Variants in RABGAP1L observed in about 807,000 individuals in gnomAD.
RABGAP1L encodes RAB GTPase activating protein 1 like.
Under a neutral mutation model 137.7 loss-of-function variants are expected in RABGAP1L, and 63 were observed. The observed-to-expected ratio is 0.46, with a 90% confidence interval of 0.37 to 0.56. The LOEUF (loss-of-function observed/expected upper bound fraction) is 0.56, where lower values mean the gene tolerates loss of function less well. RABGAP1L is among the 20% of genes least tolerant of loss of function. RABGAP1L has a pLI of 0.00. For synonymous variants in RABGAP1L, 431 were observed against 433.7 expected (o/e 0.99, Z 0.08); for missense variants, 1,095 against 1,244.0 (o/e 0.88, Z 1.80).
intron 14 of RABGAP1L, among the ~76,000 whole-genome samples, chr1:174,656,493 A>T (rs1301435242): frequency 1.3e-5 from 2 of 152,186 alleles, no homozygotes; most frequent in East Asian, 3.8e-4. Context: ...TGTACAATTC[A>T]TTGAGTTTTA....
chr1:174,369,344 C>T (rs1684907181), intron 11 of RABGAP1L, among the ~76,000 whole-genome samples: 1 of 152,148 alleles, frequency 6.6e-6, no homozygotes, highest in Non-Finnish European at 1.5e-5. Context: ...AGTACGCCAC[C>T]ATGCCCAGCT....
intron 11 of RABGAP1L, among the ~76,000 whole-genome samples, chr1:174,358,839 G>A (rs186114767): frequency 2.0e-5 from 3 of 152,166 alleles, no homozygotes; most frequent in East Asian, 3.9e-4. Context: ...TACTCTTATG[G>A]CCAAGTACTA....
At chr1:174,623,634 C>G (rs1477581404) in intron 13 of RABGAP1L, among the ~76,000 whole-genome samples, 1 of 152,186 alleles carries the variant, frequency 6.6e-6, no homozygotes, top group African/African-American at 2.4e-5. Flanking sequence ...GTACTGCCAG[C>G]TAGGGAAGCT....
chr1:174,736,335 C>A (rs1682940671), intron 17 of RABGAP1L, among the ~76,000 whole-genome samples: 1 of 152,246 alleles, frequency 6.6e-6, no homozygotes, highest in Non-Finnish European at 1.5e-5. Flanking sequence ...CCTTAAAGCT[C>A]CTAAATAATC....
intron 20 of RABGAP1L, among the ~76,000 whole-genome samples, chr1:174,962,181 TAAA>T (rs1669182910): frequency 3.8e-5 from 2 of 52,380 alleles, no homozygotes; most frequent in South Asian, 1.0e-3. Flanking sequence ...TCTCAAAAAA[TAAA>T]AATAAAAATA....
intron 13 of RABGAP1L, among the ~76,000 whole-genome samples, chr1:174,505,666 G>A (rs897547456): frequency 6.6e-6 from 1 of 152,126 alleles, no homozygotes; most frequent in Non-Finnish European, 1.5e-5. Context: ...CAATGAGGAT[G>A]TGGAGAAAAG....
chr1:174,198,742 AGAGT>A (rs1342384132), intron 1 of RABGAP1L, among the ~76,000 whole-genome samples: 1 of 152,224 alleles, frequency 6.6e-6, no homozygotes. Context: ...TTGGTCATCA[AGAGT>A]GAGTGAGTCC....
chr1:174,636,148 T>C (rs1674010062), intron 13 of RABGAP1L, among the ~76,000 whole-genome samples: 1 of 152,138 alleles, frequency 6.6e-6, no homozygotes, highest in Admixed American at 6.5e-5. Flanking sequence ...CAAGAGAATG[T>C]TTAATCATTT....
intron 19 of RABGAP1L, among the ~76,000 whole-genome samples, chr1:174,892,896 ATTT>A (rs748971722): frequency 3.8e-4 from 35 of 91,858 alleles, no homozygotes; most frequent in South Asian, 3.6e-3. Context: ...CACCCAGCTA[ATTT>A]TTTTTTTTTT....
chr1:174,325,623 A>C (rs1680372223), intron 11 of RABGAP1L, among the ~76,000 whole-genome samples: 1 of 152,182 alleles, frequency 6.6e-6, no homozygotes, highest in African/African-American at 2.4e-5. Context: ...TCTATATTGG[A>C]AAAAATGAGT....
At chr1:174,584,252 TG>T (rs1242678319) in intron 13 of RABGAP1L, among the ~76,000 whole-genome samples, 2 of 152,198 alleles carry the variant, frequency 1.3e-5, no homozygotes, top group African/African-American at 2.4e-5. Flanking sequence ...TTTGGCAGTC[TG>T]TGGGTAAAAA....
intron 13 of RABGAP1L, among the ~76,000 whole-genome samples, chr1:174,488,868 A>G (rs1277753878): frequency 1.3e-5 from 2 of 149,390 alleles, no homozygotes; most frequent in Non-Finnish European, 3.0e-5. Context: ...TGCACCCATT[A>G]ACTCATCATT....
At chr1:174,858,676 G>A (rs1254917796) in intron 19 of RABGAP1L, among the ~76,000 whole-genome samples, 1 of 152,170 alleles carries the variant, frequency 6.6e-6, no homozygotes, top group Non-Finnish European at 1.5e-5. Flanking sequence ...TCAGCCATGT[G>A]TACCATTACC....
intron 11 of RABGAP1L, among the ~76,000 whole-genome samples, chr1:174,353,215 G>A (rs1036581458): frequency 1.4e-4 from 22 of 152,258 alleles, no homozygotes; most frequent in African/African-American, 5.3e-4. Flanking sequence ...GGCCTGGAAT[G>A]GGGGCTTCAG....
chr1:174,694,652 A>G (rs1390243391), intron 15 of RABGAP1L, among the ~76,000 whole-genome samples: 1 of 151,922 alleles, frequency 6.6e-6, no homozygotes, highest in African/African-American at 2.4e-5. Context: ...TAATGCCGCA[A>G]TAAACATACG....
intron 11 of RABGAP1L, among the ~76,000 whole-genome samples, chr1:174,341,168 A>G (rs1301407170): frequency 1.3e-5 from 2 of 152,092 alleles, no homozygotes; most frequent in African/African-American, 4.8e-5. Flanking sequence ...TTGTTGTCAG[A>G]TGGATAGATA....
intron 19 of RABGAP1L, among the ~76,000 whole-genome samples, chr1:174,823,342 C>G (rs1360271669): frequency 1.3e-5 from 2 of 152,182 alleles, no homozygotes; most frequent in African/African-American, 4.8e-5. Context: ...CTTGTCTTCA[C>G]TATTGGGAAC....
At chr1:174,521,125 A>C (rs1329419957) in intron 13 of RABGAP1L, among the ~76,000 whole-genome samples, 1 of 152,240 alleles carries the variant, frequency 6.6e-6, no homozygotes, top group African/African-American at 2.4e-5. Flanking sequence ...AATAAAATTT[A>C]TATTCCACAG....
chr1:174,545,571 G>A (rs1019782480), intron 13 of RABGAP1L: 4 of 152,042 alleles, frequency 2.6e-5, no homozygotes, highest in Non-Finnish European at 5.9e-5. Context: ...AATGCCCCAC[G>A]CTGCTCCTTG....
Sources: allele counts gnomAD v4.1 joint callset (sites outside exome capture counted in the v4.1 genomes callset), GRCh38; gene constraint gnomAD v4.1.1; transcripts MANE v1.5; gene names NCBI Gene and HGNC (gene_info 2026-07-23, HGNC 2026-07-21).